CACNA1E: variants seen among roughly 807,000 people sequenced by gnomAD.
CACNA1E encodes the protein calcium voltage-gated channel subunit alpha1 E, also known as voltage-dependent R-type calcium channel subunit alpha-1E.
A neutral mutation model predicts 259.2 loss-of-function variants in CACNA1E; 40 were observed. The observed-to-expected ratio is 0.15, with a 90% CI of 0.12 to 0.20. The LOEUF is 0.20. Ranked by LOEUF, CACNA1E falls within the 10% of genes least tolerant of loss-of-function variation. The pLI, the probability that CACNA1E is intolerant of heterozygous loss-of-function variation, is 1.00. For synonymous variants in CACNA1E, 1,104 were observed against 1,138.5 expected (o/e 0.97, Z 0.61); for missense variants, 1,874 against 3,040.1 (o/e 0.62, Z 9.02).
chr1:181,518,349 C>T (rs1195376910), intron 3 of CACNA1E, among the ~76,000 whole-genome samples: 2 of 152,184 alleles, frequency 1.3e-5, no homozygotes, highest in Admixed American at 1.3e-4. Context: ...CAGATCTCCA[C>T]CTCCTCCCTG....
chr1:181,585,167 A>T (rs937925849), intron 6 of CACNA1E, among the ~76,000 whole-genome samples: 1 of 152,136 alleles, frequency 6.6e-6, no homozygotes, highest in Non-Finnish European at 1.5e-5. Flanking sequence ...TGGATCTTGG[A>T]AGTTACTTTC....
intron 7 of CACNA1E, among the ~76,000 whole-genome samples, chr1:181,694,937 A>T (rs952004255): frequency 4.6e-5 from 7 of 152,148 alleles, no homozygotes; most frequent in Non-Finnish European, 7.3e-5. Context: ...ATAAAAACCA[A>T]TTTTTTCACA....
intron 2 of CACNA1E, among the ~76,000 whole-genome samples, chr1:181,446,093 A>G (rs1660771458): frequency 6.6e-6 from 1 of 152,132 alleles, no homozygotes; most frequent in South Asian, 2.1e-4. Flanking sequence ...GGCTTCTTCT[A>G]TGCTCACTAG....
chr1:181,505,167 T>C (rs1572043053), intron 1 of CACNA1E, among the ~76,000 whole-genome samples: 2 of 152,334 alleles, frequency 1.3e-5, no homozygotes, highest in Middle Eastern at 6.8e-3. Context: ...CAGGTTGGGA[T>C]GGGTTTTTGT....
At chr1:181,407,283 C>T (rs370950535) in intron 1 of CACNA1E, among the ~76,000 whole-genome samples, 1 of 152,120 alleles carries the variant, frequency 6.6e-6, no homozygotes, top group Non-Finnish European at 1.5e-5. Flanking sequence ...GGTCAGGGAA[C>T]ACTTCCTGGG....
chr1:181,793,936 C>G, intron 45 of CACNA1E, 143 bp downstream of exon 45: 1 of 860,730 alleles, frequency 1.2e-6, no homozygotes, highest in Non-Finnish European at 1.7e-6. Flanking sequence ...TGGGTCGTCT[C>G]TAATAGAGCC....
chr1:181,678,324 G>T (rs1161300312), intron 7 of CACNA1E, among the ~76,000 whole-genome samples: 1 of 152,146 alleles, frequency 6.6e-6, no homozygotes, highest in Admixed American at 6.5e-5. Context: ...TTTTTTAAAA[G>T]AGCTTTTTTG....
chr1:181,584,774 C>T (rs544657177), intron 6 of CACNA1E, among the ~76,000 whole-genome samples: 195 of 152,274 alleles, frequency 1.3e-3, no homozygotes, highest in African/African-American at 4.5e-3. Flanking sequence ...CAGTCTTTTC[C>T]TACCACCTCC....
chr1:181,413,778 C>G (rs1197826417), intron 2 of CACNA1E, among the ~76,000 whole-genome samples: 1 of 152,228 alleles, frequency 6.6e-6, no homozygotes, highest in Non-Finnish European at 1.5e-5. Flanking sequence ...GGCTGTAGGC[C>G]TCGTCCAGCC....
intron 1 of CACNA1E, among the ~76,000 whole-genome samples, chr1:181,342,970 G>A (rs1207193333): frequency 6.6e-6 from 1 of 152,142 alleles, no homozygotes; most frequent in Non-Finnish European, 1.5e-5. Context: ...AGAGCCAGGG[G>A]AGAGGACTAT....
intron 12 of CACNA1E, 25 bp from the exon 13 acceptor site, chr1:181,719,726 A>G: frequency 7.6e-7 from 1 of 1,322,134 alleles, no homozygotes; most frequent in Non-Finnish European, 1.1e-6. Flanking sequence ...TCCTCCTCTC[A>G]CTGTGGCTGG....
At chr1:181,756,849 T>G (rs1349555221) in intron 29 of CACNA1E, 76 bp from the exon 30 acceptor site, 3 of 999,182 alleles carry the variant, frequency 3.0e-6, no homozygotes, top group South Asian at 1.4e-5. Flanking sequence ...GATAAAAAAT[T>G]ATAATAGGTG....
chr1:181,501,331 T>C (rs948697057), intron 1 of CACNA1E, among the ~76,000 whole-genome samples: 13 of 152,356 alleles, frequency 8.5e-5, no homozygotes, highest in African/African-American at 3.1e-4. Context: ...CTTCCCATCC[T>C]TTGGGAATCA....
At chr1:181,596,163 C>G (rs1182767617) in intron 6 of CACNA1E, among the ~76,000 whole-genome samples, 8 of 152,092 alleles carry the variant, frequency 5.3e-5, no homozygotes, top group African/African-American at 1.9e-4. Flanking sequence ...TATTTTCCTC[C>G]CCTTGGTAGT....
chr1:181,573,461 G>C (rs1308366406), intron 3 of CACNA1E, among the ~76,000 whole-genome samples: 1 of 152,194 alleles, frequency 6.6e-6, no homozygotes, highest in Non-Finnish European at 1.5e-5. Context: ...AGCTTTGCTA[G>C]GAGGCAAGTC....
In CACNA1E at chr1:181,483,937, G is replaced by T. The variant is rs779908347; in HGVS notation, c.193G>T (p.Val65Phe). ...TCCCGTCCGGCAGAACTGTTTCACC[G>T]TCAACAGATCCCTGTTCATCTTCGG... ...PIPVRQNCFTVNRSLFIFGED... is the reference protein window; with the variant it reads ...PIPVRQNCFTFNRSLFIFGED... Residue 65 changes from valine to phenylalanine, a missense_variant, in exon 1 of 48, where the codon GTC becomes TTC. Val to Phe is a conservative substitution (Grantham distance 50). Around this residue, in one of 14 missense-constraint regions of CACNA1E, gnomAD observed 110 missense variants for 122.8 expected, o/e 0.90. Transcript: ENST00000367573. The T allele has an allele frequency of 5.6e-6, 9 of 1,613,390 alleles. No homozygotes were observed. The highest frequency in any genetic ancestry group is 6.8e-6 in the Non-Finnish European group (8 of 1,179,588).
intron 6 of CACNA1E, among the ~76,000 whole-genome samples, chr1:181,635,186 C>G (rs1657099468): frequency 6.6e-6 from 1 of 152,188 alleles, no homozygotes; most frequent in South Asian, 2.1e-4. Context: ...AAGCTTTCCC[C>G]TCTGTTTTTC....
intron 24 of CACNA1E, among the ~76,000 whole-genome samples, 199 bp from the exon 25 acceptor site, chr1:181,738,948 G>C (rs1369652591): frequency 1.3e-5 from 2 of 152,202 alleles, no homozygotes; most frequent in Non-Finnish European, 2.9e-5. Flanking sequence ...AGTGAACCCT[G>C]GGTGACTATG....
Position 181,798,944 on chromosome 1 carries a change from A to T in CACNA1E, c.*110A>T. The T allele has an allele frequency of 1.1e-6, 1 of 942,684 alleles. No individual in the cohort carries two copies. Among genetic ancestry groups the T allele is most frequent in the Non-Finnish European group, 1.5e-6 (1 of 662,674 alleles). The allele number at this position is 942,684 out of a possible 1,614,324, so 58.4% of individuals were successfully genotyped here. On this transcript the variant is annotated 3_prime_UTR_variant, in exon 48 of 48. Coordinates refer to ENST00000367573, the MANE Select transcript of CACNA1E (RefSeq NM_001205293.3). The surrounding 1 kb of genome is among the most constrained non-coding windows in gnomAD (Gnocchi z 4.2). ...GAGGAAGAGGGAAAAGGAAGATGGA[A>T]GGACACCATGCATTATCAGAGAAGA...
Sources: allele counts gnomAD v4.1 joint callset (sites outside exome capture counted in the v4.1 genomes callset), GRCh38; gene constraint gnomAD v4.1.1; regional missense constraint gnomAD v4.1.1; non-coding constraint Gnocchi (gnomAD v3.1); transcripts MANE v1.5; gene names NCBI Gene and HGNC (gene_info 2026-07-23, HGNC 2026-07-21).